LYST: variants seen among roughly 807,000 people sequenced by gnomAD.
LYST encodes the protein lysosomal trafficking regulator, also known as lysosomal-trafficking regulator.
Under a neutral mutation model 413.6 loss-of-function variants are expected in LYST, and 192 were observed. The observed-to-expected ratio is 0.46, with a 90% CI of 0.41 to 0.52. The LOEUF is 0.52. Among genes scored for constraint, LYST ranks in the 20% least tolerant of loss-of-function variants. LYST has a pLI of 0.00. For synonymous variants in LYST, 1,525 were observed against 1,567.3 expected (o/e 0.97, Z 0.64); for missense variants, 3,815 against 4,499.9 (o/e 0.85, Z 4.35).
Position 235,776,998 on chromosome 1 carries a change from C to T in LYST, c.5460+65G>A, listed in dbSNP as rs998299549. On this transcript the variant is annotated intron_variant, in intron 17 of 52. Coordinates refer to ENST00000389793, the MANE Select transcript of LYST (RefSeq NM_000081.4). ...TTTTTCGTGTGGTCCAAAAGAAATC[C>T]TTTAATTTATCAATAATAAGTAAGT... is the stretch of plus-strand genomic sequence containing the variant. 3.8e-5 allele frequency: 55 copies of T among 1,452,046 alleles called. No homozygotes were observed. In the Admixed American group the frequency reaches 8.4e-4, roughly 22 times the overall value. 89.9% of individuals were successfully genotyped at this position (1,452,046 alleles called of 1,614,324 possible).
chr1:235,754,229 C>CTTTTTTTTTT (rs71576486), intron 25 of LYST, among the ~76,000 whole-genome samples: 151 of 86,508 alleles, frequency 1.7e-3, no homozygotes, highest in African/African-American at 2.1e-3. Flanking sequence ...CTTTTCTTTT[C>CTTTTTTTTTT]TTTTTTTTTT....
rs1658142164 is a variant in LYST, at chr1:235,662,873, A to C, written c.*67T>G. 3 of 896,512 alleles carry C rather than the reference A, an allele frequency of 3.3e-6. No homozygotes were observed. The highest frequency in any genetic ancestry group is 5.7e-6 in the Non-Finnish European group (3 of 524,338). The allele number at this position is 896,512 out of a possible 1,614,324, so 55.5% of individuals were successfully genotyped here. On this transcript the variant is annotated 3_prime_UTR_variant, in exon 53 of 53. Coordinates refer to ENST00000389793, the MANE Select transcript of LYST (RefSeq NM_000081.4). ...CATTTCTTTAGGTTCAACCTCCTAA[A>C]ACTGGTGAAGTCAACAAATCTAGTT...
Position 235,730,907 on chromosome 1 carries a change from T to C in LYST, c.8984A>G (p.Asp2995Gly), listed in dbSNP as rs1664323455. The change falls in exon 36 of 53, where the codon GAC becomes GGC. Residue 2995 changes from aspartate to glycine, a missense_variant. By Grantham distance (94) the Asp-to-Gly change is moderately conservative. This residue lies in a region of LYST where 866 missense variants were observed against 1,156.0 expected (regional missense o/e 0.75). Transcript: ENST00000389793. ...AGAAGAGAAAGAAGAATGAGTTTTG[T>C]CTTCAAACAGGTAAGAGAGTGGTGG... ...VKPPLSYLFE[D>G]KTHSSFSSTV... is the part of the protein sequence containing the mutation. 1.2e-6 allele frequency: 2 copies of C among 1,613,636 alleles called. No individual in the cohort carries two copies. Among genetic ancestry groups the C allele is most frequent in the African/African-American group, 1.3e-5 (1 of 74,912 alleles).
chr1:235,772,857 A>G (rs772105553), intron 19 of LYST, among the ~76,000 whole-genome samples: 26 of 152,324 alleles, frequency 1.7e-4, no homozygotes, highest in Non-Finnish European at 3.7e-4. Context: ...TGACTGCAGT[A>G]TTCTTAGCCA....
chr1:235,691,713 T>TTTTTTTG (rs1660670846), intron 47 of LYST, among the ~76,000 whole-genome samples: 2 of 150,530 alleles, frequency 1.3e-5, no homozygotes, highest in Non-Finnish European at 1.5e-5. Flanking sequence ...TTTTTTTTTT[T>TTTTTTTG]GAGATGGAGT....
chr1:235,718,857 T>C (rs1243851611), intron 40 of LYST, among the ~76,000 whole-genome samples: 1 of 152,222 alleles, frequency 6.6e-6, no homozygotes. Context: ...CCAATGAATT[T>C]TGTTTCACTG....
At chr1:235,773,662 A>G (rs565168650) in intron 19 of LYST, among the ~76,000 whole-genome samples, 180 bp downstream of exon 19, 1 of 152,214 alleles carries the variant, frequency 6.6e-6, no homozygotes, top group East Asian at 1.9e-4. Context: ...TAAAGGGTAC[A>G]AAGTTTTGGT....
intron 23 of LYST, 151 bp downstream of exon 23, chr1:235,758,821 T>C: frequency 1.4e-6 from 1 of 693,466 alleles, no homozygotes; most frequent in Non-Finnish European, 2.4e-6. Context: ...AAAATATATC[T>C]TTCTGTTTGT....
chr1:235,733,939 A>C (rs1326735348), intron 32 of LYST, 33 bp from the exon 33 acceptor site: 2 of 1,069,482 alleles, frequency 1.9e-6, no homozygotes, highest in Admixed American at 4.6e-5. Flanking sequence ...TACTATATAA[A>C]ATTTATTATT....
chr1:235,672,675 A>G (rs1659039804), intron 50 of LYST, among the ~76,000 whole-genome samples: 1 of 152,222 alleles, frequency 6.6e-6, no homozygotes. Context: ...TTTTATAACT[A>G]AAGAAACTTT....
rs1025240104 is a variant in LYST at position 235,662,774 on chromosome 1, G to A, written c.*166C>T. 4.9e-5 allele frequency: 36 copies of A among 735,446 alleles called. No individual in the cohort carries two copies. The African/African-American group carries it at 5.1e-4, about 10-fold the overall frequency. 45.6% of individuals were successfully genotyped at this position (735,446 alleles called of 1,614,324 possible). On this transcript the variant is annotated 3_prime_UTR_variant, in exon 53 of 53. Transcript: ENST00000389793. The stretch of plus-strand genomic sequence containing the variant: ...AAAATAGAACAGAACTTTCCTCTTA[G>A]GATCATGTGACTCTTCAGAATTTTG...
chr1:235,843,454 T>G (rs1258215079), intron 1 of LYST, among the ~76,000 whole-genome samples: 2 of 152,256 alleles, frequency 1.3e-5, no homozygotes, highest in African/African-American at 4.8e-5. Flanking sequence ...GGCTGCCTCT[T>G]CCATAAACTA....
intron 50 of LYST, among the ~76,000 whole-genome samples, chr1:235,673,638 C>T (rs977259927): frequency 7.2e-5 from 11 of 152,292 alleles, no homozygotes; most frequent in Non-Finnish European, 1.2e-4. Context: ...GCAACTCTAA[C>T]CCCACCTTAG....
intron 50 of LYST, among the ~76,000 whole-genome samples, chr1:235,673,677 G>T (rs149344884): frequency 1.3e-5 from 2 of 152,098 alleles, no homozygotes; most frequent in African/African-American, 4.8e-5. Context: ...AGAAAATGCC[G>T]TTAGAAAGGA....
At chr1:235,795,166 G>A (rs1295636566) in intron 10 of LYST, among the ~76,000 whole-genome samples, 2 of 152,134 alleles carry the variant, frequency 1.3e-5, no homozygotes, top group Admixed American at 6.5e-5. Flanking sequence ...CAGTGCGGCC[G>A]ACAATACAGG....
chr1:235,765,561 C>T (rs533209922), intron 21 of LYST, among the ~76,000 whole-genome samples: 20 of 152,242 alleles, frequency 1.3e-4, no homozygotes, highest in African/African-American at 4.8e-4. Context: ...GTATTTATGG[C>T]ATTATTTCTC....
chr1:235,862,848 C>CACACACAT lies in LYST; in HGVS notation c.-98+3994_-98+3995insATGTGTGT, dbSNP rs36022107. On this transcript the variant is annotated intron_variant, in intron 1 of 52. Transcript: ENST00000389793. ...ACACACACACACACACACACACACA[C>CACACACAT]CCCTTCAAGATAAAGTGAGACTACC... 5.5e-3 allele frequency among the ~76,000 whole-genome samples: 800 copies of CACACACAT among 146,486 alleles called. 10 individuals carry two copies. The highest frequency in any genetic ancestry group is 0.018 in the Middle Eastern group (5 of 282).
chr1:235,784,744 T>G (rs533810232), intron 14 of LYST, among the ~76,000 whole-genome samples: 4 of 152,074 alleles, frequency 2.6e-5, no homozygotes, highest in Non-Finnish European at 4.4e-5. Context: ...AGAAATTGAG[T>G]GGAGAGTGCC....
At chr1:235,759,801 A>C (rs1667402148) in intron 22 of LYST, among the ~76,000 whole-genome samples, 1 of 152,016 alleles carries the variant, frequency 6.6e-6, no homozygotes, top group African/African-American at 2.4e-5. Flanking sequence ...TTACCTACTG[A>C]AGTGCAGTGA....
Sources: gnomAD v4.1 joint callset for allele counts (sites outside exome capture counted in the v4.1 genomes callset) on GRCh38, gnomAD v4.1.1 for gene constraint, gnomAD v4.1.1 regional missense constraint, MANE v1.5 for transcripts, NCBI Gene and HGNC (gene_info 2026-07-23, HGNC 2026-07-21) for gene names.